The following TMEFF1 variants were observed in gnomAD, a reference collection of about 807,000 sequenced individuals.
The protein encoded by TMEFF1 is transmembrane protein with EGF like and two follistatin like domains 1.
A neutral mutation model predicts 47.5 loss-of-function variants in TMEFF1; 20 were observed. That is an observed-to-expected ratio of 0.42 (90% CI 0.30 to 0.61). The LOEUF is 0.61. Ranked by LOEUF, TMEFF1 falls within the 20% of genes least tolerant of loss-of-function variation. TMEFF1 has a pLI of 0.19. For missense variants in TMEFF1, 411 were observed against 471.1 expected (o/e 0.87, Z 1.18); for synonymous variants, 162 against 166.3 (o/e 0.97, Z 0.20).
At chr9:100,493,896 A>G (rs1837603414) in intron 1 of TMEFF1, among the ~76,000 whole-genome samples, 1 of 152,134 alleles carries the variant, frequency 6.6e-6, no homozygotes, top group African/African-American at 2.4e-5. Flanking sequence ...AATTTGTTAG[A>G]AATCAGCTGG....
At chr9:100,481,892 C>A (rs998534895) in intron 1 of TMEFF1, among the ~76,000 whole-genome samples, 7 of 152,028 alleles carry the variant, frequency 4.6e-5, no homozygotes, top group African/African-American at 1.7e-4. Flanking sequence ...AGCGATTCTC[C>A]TGCCTTAGCC....
intron 5 of TMEFF1, among the ~76,000 whole-genome samples, chr9:100,525,334 C>A (rs1039624191): frequency 6.6e-6 from 1 of 152,170 alleles, no homozygotes; most frequent in Non-Finnish European, 1.5e-5. Flanking sequence ...AGGCTACCCC[C>A]ACTTCTGCCC....
intron 7 of TMEFF1, among the ~76,000 whole-genome samples, chr9:100,560,757 C>T (rs939839478): frequency 4.6e-5 from 7 of 151,970 alleles, no homozygotes; most frequent in South Asian, 2.1e-4. Flanking sequence ...TTTTGGAGAG[C>T]GAAATCTCAG....
intron 5 of TMEFF1, among the ~76,000 whole-genome samples, chr9:100,533,013 T>G (rs138374267): frequency 0.017 from 2,485 of 145,868 alleles, 51 homozygotes; most frequent in Non-Finnish European, 0.021. Flanking sequence ...CTGCATATTC[T>G]CACTCATAGG....
At chr9:100,549,560 G>A (rs1029777559) in intron 6 of TMEFF1, among the ~76,000 whole-genome samples, 1 of 152,106 alleles carries the variant, frequency 6.6e-6, no homozygotes, top group Non-Finnish European at 1.5e-5. Flanking sequence ...TATGTCTTTC[G>A]TTTGCCTCCT....
chr9:100,544,395 G>A (rs1030129326), intron 5 of TMEFF1, among the ~76,000 whole-genome samples: 1 of 152,218 alleles, frequency 6.6e-6, no homozygotes, highest in African/African-American at 2.4e-5. Flanking sequence ...GGCAAAGAGA[G>A]AGCTTGTGCA....
chr9:100,505,180 G>A (rs1417539666), intron 2 of TMEFF1, among the ~76,000 whole-genome samples: 2 of 151,796 alleles, frequency 1.3e-5, no homozygotes, highest in African/African-American at 4.8e-5. Context: ...TTGGGAGGCC[G>A]AGGTGGGCGG....
intron 1 of TMEFF1, among the ~76,000 whole-genome samples, chr9:100,486,661 T>C (rs1837455904): frequency 6.6e-6 from 1 of 152,194 alleles, no homozygotes; most frequent in African/African-American, 2.4e-5. Flanking sequence ...TTTGAGACAA[T>C]GTCTCCCTCT....
intron 7 of TMEFF1, among the ~76,000 whole-genome samples, chr9:100,551,079 G>A (rs767278832): frequency 4.6e-5 from 7 of 152,234 alleles, no homozygotes; most frequent in Non-Finnish European, 8.8e-5. Context: ...TTCTAGGCCA[G>A]GACCTCTATA....
intron 5 of TMEFF1, among the ~76,000 whole-genome samples, chr9:100,545,126 C>A (rs1838706519): frequency 6.6e-6 from 1 of 152,176 alleles, no homozygotes; most frequent in Non-Finnish European, 1.5e-5. Flanking sequence ...CTGGAGGTGG[C>A]CCTCTCCTCA....
Position 100,473,817 on chromosome 9 carries a change from G to T in TMEFF1, c.196+77G>T. 1 of 1,380,698 alleles carries T rather than the reference G, an allele frequency of 7.2e-7. No homozygotes were observed. The highest frequency in any genetic ancestry group is 9.4e-7 in the Non-Finnish European group (1 of 1,062,002). 85.5% of individuals were successfully genotyped at this position (1,380,698 alleles called of 1,614,324 possible). A position where few individuals can be genotyped will look rare whatever the true frequency, so the allele number is the denominator to read the frequency against. On this transcript the variant is annotated intron_variant, in intron 1 of 9. Transcript: ENST00000374879. This position sits in a 1 kb window ranked among gnomAD's most constrained non-coding sequence, Gnocchi z 5.4. The stretch of plus-strand genomic sequence containing the variant: ...TCCCTCGTGGTCCCTGCGGTCGGCC[G>T]GGCTGGGAAAGACCCCGTCGTGGGG...
At chr9:100,526,174 A>G (rs1463874800) in intron 5 of TMEFF1, among the ~76,000 whole-genome samples, 1 of 152,146 alleles carries the variant, frequency 6.6e-6, no homozygotes, top group East Asian at 1.9e-4. Flanking sequence ...TCTAGCTTCC[A>G]GTGTTGCTGT....
intron 1 of TMEFF1, among the ~76,000 whole-genome samples, chr9:100,475,485 TATTA>T (rs1837205943): frequency 1.3e-5 from 2 of 152,178 alleles, no homozygotes; most frequent in Admixed American, 1.3e-4. Context: ...ATGTAACAAA[TATTA>T]ATTATCAAAC....
chr9:100,493,951 G>A (rs1033983704), intron 1 of TMEFF1, among the ~76,000 whole-genome samples: 2 of 152,142 alleles, frequency 1.3e-5, no homozygotes, highest in Admixed American at 1.3e-4. Flanking sequence ...GGGAGGCTGA[G>A]GTGGGCAGAT....
intron 1 of TMEFF1, among the ~76,000 whole-genome samples, chr9:100,492,289 C>G (rs1837567491): frequency 6.6e-6 from 1 of 152,216 alleles, no homozygotes; most frequent in African/African-American, 2.4e-5. Context: ...ATTCTAAATG[C>G]AACTGTAGGT....
At chr9:100,513,393 C>CTTTTTTTTTT in intron 4 of TMEFF1, 60 bp downstream of exon 4, 1 of 1,233,864 alleles carries the variant, frequency 8.1e-7, no homozygotes, top group Non-Finnish European at 1.1e-6. Context: ...CTTTCTTTTT[C>CTTTTTTTTTT]TTTTTTTTTT....
At chr9:100,490,865 G>GTGTGTGTA (rs1554682730) in intron 1 of TMEFF1, among the ~76,000 whole-genome samples, 4,445 of 147,552 alleles carry the variant, frequency 0.03, 119 homozygotes, top group South Asian at 0.15. Flanking sequence ...GTGTGTGTGT[G>GTGTGTGTA]TGTGTGTATG....
intron 3 of TMEFF1, among the ~76,000 whole-genome samples, chr9:100,509,417 A>G (rs1391740267): frequency 6.6e-6 from 1 of 152,172 alleles, no homozygotes; most frequent in Non-Finnish European, 1.5e-5. Context: ...TGATTTGAAC[A>G]GTAGACAGAA....
intron 1 of TMEFF1, among the ~76,000 whole-genome samples, chr9:100,497,865 A>G (rs1000570707): frequency 1.3e-5 from 2 of 151,536 alleles, no homozygotes; most frequent in African/African-American, 4.9e-5. Context: ...GAGTTAATCT[A>G]GGACTCTCTC....
Sources: gnomAD v4.1 joint callset for allele counts (sites outside exome capture counted in the v4.1 genomes callset) on GRCh38, gnomAD v4.1.1 for gene constraint, Gnocchi (gnomAD v3.1) non-coding constraint, MANE v1.5 for transcripts, NCBI Gene and HGNC (gene_info 2026-07-23, HGNC 2026-07-21) for gene names.